GABPB1: variants seen among roughly 807,000 people sequenced by gnomAD.
GABPB1 encodes GA binding protein transcription factor subunit beta 1.
GABPB1 carries 15 observed loss-of-function variants against 45.9 expected under a neutral mutation model. The observed-to-expected ratio is 0.33, with a 90% confidence interval of 0.22 to 0.50. GABPB1 has a LOEUF of 0.50. Ranked by LOEUF, GABPB1 falls within the 20% of genes least tolerant of loss-of-function variation. The probability of loss-of-function intolerance (pLI) is 0.98; values close to 1 mark genes in which losing one functional copy is unlikely to be tolerated. For missense variants in GABPB1, 252 were observed against 457.5 expected (o/e 0.55, Z 4.10); for synonymous variants, 143 against 154.4 (o/e 0.93, Z 0.55).
At chr15:50,303,839 T>C in intron 3 of GABPB1, 127 bp downstream of exon 3, 1 of 663,932 alleles carries the variant, frequency 1.5e-6, no homozygotes, top group East Asian at 2.9e-5. Flanking sequence ...TTAATGGGCT[T>C]ATACACACAA....
intron 6 of GABPB1, among the ~76,000 whole-genome samples, chr15:50,297,665 T>C (rs988756005): frequency 5.3e-5 from 8 of 152,136 alleles, no homozygotes; most frequent in Non-Finnish European, 1.0e-4. Flanking sequence ...CGAAACCCCA[T>C]CTCTACTAAA....
chr15:50,293,145 A>G (rs1409654142), intron 6 of GABPB1, among the ~76,000 whole-genome samples: 1 of 152,238 alleles, frequency 6.6e-6, no homozygotes, highest in Non-Finnish European at 1.5e-5. Flanking sequence ...ACTCTCTACT[A>G]AAATCAAGCT....
At chr15:50,333,655 C>T (rs1197084553) in intron 1 of GABPB1, among the ~76,000 whole-genome samples, 8 of 152,120 alleles carry the variant, frequency 5.3e-5, no homozygotes, top group Non-Finnish European at 1.2e-4. Flanking sequence ...TTTCACTGGG[C>T]ATAAAATTCT....
At chr15:50,346,994 T>C (rs1777580090) in intron 1 of GABPB1, among the ~76,000 whole-genome samples, 1 of 152,042 alleles carries the variant, frequency 6.6e-6, no homozygotes, top group Non-Finnish European at 1.5e-5. Flanking sequence ...TTCACCATCT[T>C]GGCCAAACTG....
chr15:50,294,236 A>G (rs8042845), intron 6 of GABPB1, among the ~76,000 whole-genome samples: 99,174 of 152,090 alleles, frequency 0.65, 33,681 homozygotes, highest in African/African-American at 0.83. Context: ...GAAACTATGG[A>G]CCGGGAGCAG....
intron 1 of GABPB1, among the ~76,000 whole-genome samples, chr15:50,324,239 A>G (rs1254680089): frequency 6.6e-6 from 1 of 152,036 alleles, no homozygotes; most frequent in Non-Finnish European, 1.5e-5. Flanking sequence ...GAGTTCATTG[A>G]TGGCAAGCGC....
chr15:50,319,371 T>C (rs890080264), intron 1 of GABPB1, among the ~76,000 whole-genome samples: 2 of 152,206 alleles, frequency 1.3e-5, no homozygotes, highest in Admixed American at 6.5e-5. Context: ...TTTCAATGTG[T>C]CCATCACCTG....
chr15:50,324,609 A>T (rs1478925263), intron 1 of GABPB1, among the ~76,000 whole-genome samples: 4 of 148,852 alleles, frequency 2.7e-5, no homozygotes. Flanking sequence ...CAGTGGGGCA[A>T]TCTCGGCTCA....
Position 50,278,432 on chromosome 15 carries a change from ATTCAGT to A in GABPB1, c.*194_*199del. ...TAAAAAAAAAAAAACTATTTACAGA[ATTCAGT>A]TTTAAATACATTTCACAACTTCTAA... is the stretch of plus-strand genomic sequence containing the variant. On this transcript the variant is annotated 3_prime_UTR_variant, in exon 9 of 9. Transcript: ENST00000380877. The A allele has an allele frequency of 2.6e-6, 1 of 386,702 alleles. No individual in the cohort carries two copies. The highest frequency in any genetic ancestry group is 4.0e-5 in the East Asian group (1 of 25,028). 24.0% of individuals were successfully genotyped at this position (386,702 alleles called of 1,614,324 possible).
chr15:50,292,901 C>T (rs1159163075), intron 6 of GABPB1, among the ~76,000 whole-genome samples: 1 of 151,176 alleles, frequency 6.6e-6, no homozygotes, highest in Non-Finnish European at 1.5e-5. Flanking sequence ...AACATATGGG[C>T]ATGCCAAGAT....
Position 50,276,203 on chromosome 15 carries a change from G to C in GABPB1, c.*2429C>G, listed in dbSNP as rs1389029300. 6.6e-6 allele frequency: 1 copy of C among 152,158 alleles called. No homozygotes were observed. The highest frequency in any genetic ancestry group is 1.5e-5 in the Non-Finnish European group (1 of 68,036). 9.4% of individuals were successfully genotyped at this position (152,158 alleles called of 1,614,324 possible). On this transcript the variant is annotated 3_prime_UTR_variant, in exon 9 of 9. Transcript: ENST00000380877. ...CACTATGTAGTGGAAACAATTATGT[G>C]GATTTCTGAAAACTTTTATTTCATA...
chr15:50,319,479 T>C (rs1246737023), intron 1 of GABPB1, among the ~76,000 whole-genome samples: 1 of 152,102 alleles, frequency 6.6e-6, no homozygotes, highest in Non-Finnish European at 1.5e-5. Flanking sequence ...TCCCCCTCCG[T>C]ATGTCCATGT....
intron 1 of GABPB1, among the ~76,000 whole-genome samples, chr15:50,344,047 T>C (rs559086977): frequency 6.6e-6 from 1 of 152,204 alleles, no homozygotes; most frequent in African/African-American, 2.4e-5. Flanking sequence ...CTTTGTCTTC[T>C]CTTTTGTTCA....
chr15:50,325,304 C>CAA (rs35524259), intron 1 of GABPB1, among the ~76,000 whole-genome samples: 2 of 120,996 alleles, frequency 1.7e-5, no homozygotes, highest in African/African-American at 3.2e-5. Context: ...GATGTTATGC[C>CAA]AAAAAAAAAA....
rs1479264764 is a variant in GABPB1 at position 50,325,907 on chromosome 15, T to TAA, written c.1-16110_1-16109insTT. ...ATTTTAAAATAAGATATAAGGGTTT[T>TAA]TTTTGTTTTTTTTTTTTTAAGACAG... is the stretch of plus-strand genomic sequence containing the variant. On this transcript the variant is annotated intron_variant, in intron 1 of 8. Coordinates refer to ENST00000380877, the MANE Select transcript of GABPB1 (RefSeq NM_016654.5). 1.4e-4 allele frequency among the ~76,000 whole-genome samples: 16 copies of TAA among 115,366 alleles called. No individual in the cohort carries two copies. In the East Asian group the frequency reaches 2.8e-3, roughly 20 times the overall value. 75.7% of individuals were successfully genotyped at this position (115,366 alleles called of 152,430 possible). A position where few individuals can be genotyped will look rare whatever the true frequency, so the allele number is the denominator to read the frequency against.
chr15:50,292,737 T>C (rs960207821), intron 6 of GABPB1, among the ~76,000 whole-genome samples: 66 of 152,302 alleles, frequency 4.3e-4, no homozygotes, highest in African/African-American at 1.6e-3. Flanking sequence ...GAGCTGTGGA[T>C]ATGTAGAAGG....
intron 1 of GABPB1, among the ~76,000 whole-genome samples, chr15:50,341,591 A>G (rs920129981): frequency 1.1e-4 from 16 of 152,168 alleles, no homozygotes; most frequent in South Asian, 2.1e-4. Flanking sequence ...CTTAATAAAC[A>G]TAAGTCCCAG....
intron 1 of GABPB1, among the ~76,000 whole-genome samples, chr15:50,323,565 G>C (rs1269776309): frequency 6.6e-6 from 1 of 152,182 alleles, no homozygotes; most frequent in African/African-American, 2.4e-5. Context: ...CTCTCACAGG[G>C]TTGTTCTGAG....
At chr15:50,282,058 C>T (rs1338927559) in intron 8 of GABPB1, among the ~76,000 whole-genome samples, 1 of 152,106 alleles carries the variant, frequency 6.6e-6, no homozygotes, top group Non-Finnish European at 1.5e-5. Flanking sequence ...ATTGGCTGGG[C>T]ATGGTGGTGT....
Sources: allele counts gnomAD v4.1 joint callset (sites outside exome capture counted in the v4.1 genomes callset), GRCh38; gene constraint gnomAD v4.1.1; transcripts MANE v1.5; gene names NCBI Gene and HGNC (gene_info 2026-07-23, HGNC 2026-07-21).